MAPK8IP3: variants seen among roughly 807,000 people sequenced by gnomAD.
MAPK8IP3 encodes the protein C-Jun-amino-terminal kinase-interacting protein 3.
In MAPK8IP3, 49 loss-of-function variants were observed where a neutral mutation model predicts 157.8. That is an observed-to-expected ratio of 0.31 (90% confidence interval 0.25 to 0.39). The LOEUF (loss-of-function observed/expected upper bound fraction) is 0.39. MAPK8IP3 is among the 10% of genes least tolerant of loss of function. MAPK8IP3 has a pLI of 1.00. For synonymous variants in MAPK8IP3, 897 were observed against 777.7 expected (o/e 1.15, Z -2.55); for missense variants, 1,478 against 1,889.4 (o/e 0.78, Z 4.04).
Position 1,768,693 on chromosome 16 carries a change from T to C in MAPK8IP3, c.3893-10T>C. The C allele has an allele frequency of 6.2e-7, 1 of 1,611,706 alleles. No homozygotes were observed. ...GGAGCCTGGCCGTCACTCTGCTGCT[T>C]TGCCCGCAGGAGACGGAGAGGACGA... On this transcript the variant is annotated splice_polypyrimidine_tract_variant and intron_variant, in intron 31 of 31. Coordinates refer to ENST00000610761, the MANE Select transcript of MAPK8IP3 (RefSeq NM_001318852.2).
chr16:1,722,919 A>T (rs992135351), intron 1 of MAPK8IP3, among the ~76,000 whole-genome samples: 13 of 151,502 alleles, frequency 8.6e-5, no homozygotes, highest in Non-Finnish European at 1.8e-4. Context: ...GCCAGGATGG[A>T]CTCGATCTCC....
chr16:1,764,111 G>C lies in MAPK8IP3; in HGVS notation c.2026-4G>C, dbSNP rs1054032151. The stretch of plus-strand genomic sequence containing the variant: ...TGCCCACGGCGCCTCCCTGCTCCCT[G>C]CAGCTGAGTCCCAACGGGGGCCAGG... On this transcript the variant is annotated splice_polypyrimidine_tract_variant and splice_region_variant and intron_variant, in intron 17 of 31. Transcript: ENST00000610761. The C allele has an allele frequency of 3.7e-6, 6 of 1,605,664 alleles. No homozygotes were observed. The highest frequency in any genetic ancestry group is 1.3e-5 in the African/African-American group (1 of 74,928).
chr16:1,768,020 C>G, intron 28 of MAPK8IP3, 49 bp from the exon 29 acceptor site: 1 of 1,611,176 alleles, frequency 6.2e-7, no homozygotes, highest in South Asian at 1.1e-5. Flanking sequence ...CCTTGCTGCC[C>G]CTACGCTGAC....
At chr16:1,726,514 A>C (rs560747493) in intron 2 of MAPK8IP3, among the ~76,000 whole-genome samples, 2 of 152,244 alleles carry the variant, frequency 1.3e-5, no homozygotes, top group East Asian at 3.9e-4. Context: ...ATCTCTACAA[A>C]AAATACAAAA....
chr16:1,768,707 C>T lies in MAPK8IP3; in HGVS notation c.3897C>T (p.Asp1299=), dbSNP rs371205374. 3.4e-4 allele frequency: 547 copies of T among 1,611,710 alleles called. No homozygotes were observed. Among genetic ancestry groups the T allele is most frequent in the Non-Finnish European group, 4.2e-4 (500 of 1,179,256 alleles). ...GEGYIDFRIG[D]GEDDETEEGA... The stretch of plus-strand genomic sequence containing the variant: ...ACTCTGCTGCTTTGCCCGCAGGAGA[C>T]GGAGAGGACGACGAGACGGAGGAGG... The change falls in exon 32 of 32, where the codon GAC becomes GAT. Residue 1299 remains aspartate, a synonymous_variant. Coordinates refer to ENST00000610761, the MANE Select transcript of MAPK8IP3 (RefSeq NM_001318852.2).
At chr16:1,758,239 C>T (rs1596754528) in intron 9 of MAPK8IP3, 80 bp downstream of exon 9, 19 of 1,550,862 alleles carry the variant, frequency 1.2e-5, no homozygotes, top group Middle Eastern at 1.9e-4. Flanking sequence ...CGAGCTATCC[C>T]GTCACCGTGG....
intron 2 of MAPK8IP3, 53 bp from the exon 3 acceptor site, chr16:1,729,085 C>A: frequency 1.3e-6 from 2 of 1,548,640 alleles, no homozygotes; most frequent in South Asian, 1.1e-5. Context: ...CCCAAGAGTT[C>A]AGGGCCATGG....
intron 5 of MAPK8IP3, chr16:1,746,210 A>G (rs906693230): frequency 6.6e-6 from 1 of 152,324 alleles, no homozygotes; most frequent in African/African-American, 2.4e-5. Context: ...CAGGTCAGCT[A>G]AGACGAGAAC....
At chr16:1,727,992 C>T (rs1184581009) in intron 2 of MAPK8IP3, among the ~76,000 whole-genome samples, 3 of 152,244 alleles carry the variant, frequency 2.0e-5, no homozygotes, top group South Asian at 2.1e-4. Flanking sequence ...AGCTGAGTCC[C>T]GGCCACGCAC....
At chr16:1,761,508 GGGGCGGCCACCATTCACCATTCACAGGCA>G in intron 13 of MAPK8IP3, among the ~76,000 whole-genome samples, 1 of 139,874 alleles carries the variant, frequency 7.1e-6, no homozygotes, top group Non-Finnish European at 1.5e-5. Flanking sequence ...ATTCACAGGC[GGGGCGGCCACCATTCACCATTCACAGGCA>G]GGGCGGCCGC....
Position 1,761,314 on chromosome 16 carries a change from A to G in MAPK8IP3, c.1539+9A>G, listed in dbSNP as rs747599538. On this transcript the variant is annotated intron_variant, in intron 13 of 31. Transcript: ENST00000610761. ...ATCTCTGTACAGAATCGGTACATCC[A>G]CTCTTCACTCTTCACATGCGGGGCG... The G allele has an allele frequency of 1.9e-6, 3 of 1,609,562 alleles. No individual in the cohort carries two copies. Among genetic ancestry groups the G allele is most frequent in the Admixed American group, 3.3e-5 (2 of 59,968 alleles).
intron 4 of MAPK8IP3, among the ~76,000 whole-genome samples, chr16:1,736,091 C>G (rs1203772736): frequency 9.2e-6 from 1 of 108,546 alleles, no homozygotes; most frequent in Non-Finnish European, 1.8e-5. Context: ...AGAGTGTGAC[C>G]GTCCATGTGA....
intron 4 of MAPK8IP3, among the ~76,000 whole-genome samples, chr16:1,733,741 G>A (rs1310566570): frequency 6.6e-6 from 1 of 152,332 alleles, no homozygotes; most frequent in East Asian, 1.9e-4. Flanking sequence ...GCTCTGCCAC[G>A]GCTCCTGAAG....
chr16:1,763,091 G>A, intron 16 of MAPK8IP3, 85 bp downstream of exon 16: 3 of 1,558,650 alleles, frequency 1.9e-6, no homozygotes, highest in Non-Finnish European at 2.6e-6. Context: ...AGGCCCTGAA[G>A]CGGGACTTTG....
At chr16:1,723,556 G>C (rs549481171) in intron 1 of MAPK8IP3, among the ~76,000 whole-genome samples, 56 of 152,288 alleles carry the variant, frequency 3.7e-4, no homozygotes, top group African/African-American at 1.3e-3. Context: ...GGTGCTCAAG[G>C]CTGCAGTGAG....
At position 1,706,398 on chromosome 16, in the gene MAPK8IP3, G is replaced by A; in HGVS notation, c.59G>A (p.Cys20Tyr). ...GGVVVYQDDY[C>Y]SGSVMSERVS... Reference sequence around the variant, plus strand: ...GTGGTGGTGTACCAGGACGACTACTGCTCCGGCTCGGTGATGTCGGAGCGG... The same window carrying A: ...GTGGTGGTGTACCAGGACGACTACTACTCCGGCTCGGTGATGTCGGAGCGG... Residue 20 changes from cysteine to tyrosine, a missense_variant, in exon 1 of 32, where the codon TGC becomes TAC. Around this residue, in one of 11 missense-constraint regions of MAPK8IP3, gnomAD observed 29 missense variants for 29.8 expected, o/e 0.97. Transcript: ENST00000610761. This position sits in a 1 kb window ranked among gnomAD's most constrained non-coding sequence, Gnocchi z 5.1. The A allele has an allele frequency of 6.2e-7, 1 of 1,613,222 alleles. No individual in the cohort carries two copies.
In MAPK8IP3 at chr16:1,743,098, AAAAATAAAAT is replaced by A. The variant is rs542720503; in HGVS notation, c.603-213_603-204del. ...TGACAGAGCGAGACTCCGCCTCAAA[AAAAATAAAAT>A]AAAATAAAATAAAATAAAATTGAAC... On this transcript the variant is annotated intron_variant, in intron 4 of 31. Transcript: ENST00000610761. The surrounding 1 kb of genome is among the most constrained non-coding windows in gnomAD (Gnocchi z 5.6). Among the ~76,000 whole-genome samples the A allele has an allele frequency of 2.9e-4, 44 of 152,216 alleles. No homozygotes were observed. Among genetic ancestry groups the A allele is most frequent in the African/African-American group, 6.7e-4 (28 of 41,532 alleles).
At chr16:1,748,159 G>C in intron 6 of MAPK8IP3, 85 bp from the exon 7 acceptor site, 1 of 995,244 alleles carries the variant, frequency 1.0e-6, no homozygotes, top group Non-Finnish European at 1.6e-6. Context: ...CAGCCCACCA[G>C]ACTCAGGTTC....
At chr16:1,729,449 C>T (rs747221837) in intron 3 of MAPK8IP3, 38 bp from the exon 4 acceptor site, 1 of 1,574,648 alleles carries the variant, frequency 6.4e-7, no homozygotes, top group South Asian at 1.1e-5. Flanking sequence ...AGACAGCCCC[C>T]CACGGCAGCG....
Sources: allele counts gnomAD v4.1 joint callset (sites outside exome capture counted in the v4.1 genomes callset), GRCh38; gene constraint gnomAD v4.1.1; regional missense constraint gnomAD v4.1.1; non-coding constraint Gnocchi (gnomAD v3.1); transcripts MANE v1.5; gene names NCBI Gene and HGNC (gene_info 2026-07-23, HGNC 2026-07-21).